The following MAF variants were observed in gnomAD, a reference collection of about 807,000 sequenced individuals.
The protein encoded by MAF is transcription factor Maf.
In MAF, 10 loss-of-function variants were observed where a neutral mutation model predicts 22.0. That is an observed-to-expected ratio of 0.45 (90% CI 0.28 to 0.77). MAF has a LOEUF of 0.77. MAF is among the 30% of genes least tolerant of loss of function. The pLI is 0.12. For missense variants in MAF, 544 were observed against 548.4 expected (o/e 0.99, Z 0.08); for synonymous variants, 337 against 255.8 (o/e 1.32, Z -3.03).
At chr16:79,211,849 C>G in the MAF span, 5 of 1,609,510 alleles carry the variant, frequency 3.1e-6, no homozygotes, top group African/African-American at 2.7e-5. Flanking sequence ...TGTCCCCTCA[C>G]GCAAGTGCCA....
the MAF span, among the ~76,000 whole-genome samples, chr16:79,406,042 G>A: frequency 2.0e-5 from 3 of 152,172 alleles, no homozygotes; most frequent in Non-Finnish European, 2.9e-5. Context: ...GACTGGGGTT[G>A]GTGTATAAAT....
chr16:79,420,987 T>C, the MAF span, among the ~76,000 whole-genome samples: 1 of 150,940 alleles, frequency 6.6e-6, no homozygotes, highest in Non-Finnish European at 1.5e-5. Context: ...TGAGCTGAGA[T>C]CGCACCACTT....
the MAF span, among the ~76,000 whole-genome samples, chr16:79,309,514 G>T: frequency 6.6e-6 from 1 of 152,068 alleles, no homozygotes; most frequent in South Asian, 2.1e-4. Flanking sequence ...CCTAGATTTT[G>T]GTGCATTGCC....
the MAF span, among the ~76,000 whole-genome samples, chr16:79,541,415 G>A: frequency 6.6e-6 from 1 of 151,962 alleles, no homozygotes; most frequent in South Asian, 2.1e-4. Flanking sequence ...AGGGCTGAAG[G>A]AGCCTGCGTC....
chr16:79,593,578 G>A (rs181459713), downstream of MAF, among the ~76,000 whole-genome samples: 66 of 152,350 alleles, frequency 4.3e-4, 1 homozygote, highest in East Asian at 0.012. Flanking sequence ...AGGGGTCTGT[G>A]TTGAAAGACT....
At chr16:79,292,327 G>C in the MAF span, among the ~76,000 whole-genome samples, 2 of 152,182 alleles carry the variant, frequency 1.3e-5, no homozygotes, top group Non-Finnish European at 2.9e-5. Context: ...GCAGAGATTG[G>C]GGTGATGTAG....
At chr16:79,509,276 T>C in the MAF span, among the ~76,000 whole-genome samples, 4 of 152,300 alleles carry the variant, frequency 2.6e-5, no homozygotes, top group Non-Finnish European at 4.4e-5. Context: ...TGAACCATGC[T>C]GGTCTCTAAC....
At chr16:79,419,721 C>T in the MAF span, among the ~76,000 whole-genome samples, 1 of 152,150 alleles carries the variant, frequency 6.6e-6, no homozygotes, top group African/African-American at 2.4e-5. Flanking sequence ...AGAAGAAAAC[C>T]TAGACCGAGC....
the MAF span, among the ~76,000 whole-genome samples, chr16:79,328,530 T>G: frequency 1.3e-5 from 2 of 152,304 alleles, no homozygotes; most frequent in African/African-American, 4.8e-5. Context: ...GGCTGCCAGT[T>G]TCTTAATGCA....
At chr16:79,417,010 C>T in the MAF span, among the ~76,000 whole-genome samples, 13 of 152,286 alleles carry the variant, frequency 8.5e-5, no homozygotes, top group East Asian at 2.5e-3. Flanking sequence ...TCCAGGCAAA[C>T]ATGTTGTTTC....
the MAF span, among the ~76,000 whole-genome samples, chr16:79,530,323 T>A: frequency 1.3e-5 from 2 of 152,254 alleles, no homozygotes; most frequent in East Asian, 3.9e-4. Context: ...CCTACATCCA[T>A]AGTCATGCAT....
chr16:79,320,220 G>A, the MAF span, among the ~76,000 whole-genome samples: 2 of 152,164 alleles, frequency 1.3e-5, no homozygotes, highest in Admixed American at 1.3e-4. Context: ...AGTGATCTTT[G>A]TCTGATGTCT....
At chr16:79,456,778 G>A in the MAF span, among the ~76,000 whole-genome samples, 1 of 152,234 alleles carries the variant, frequency 6.6e-6, no homozygotes, top group South Asian at 2.1e-4. Flanking sequence ...CAGTGAAGTG[G>A]TCTATTCCTG....
chr16:79,571,317 C>T, the MAF span, among the ~76,000 whole-genome samples: 530 of 152,078 alleles, frequency 3.5e-3, 12 homozygotes, highest in Admixed American at 0.029. Flanking sequence ...ACATAGTGAT[C>T]CCAGATACAC....
intron 1 of MAF, chr16:79,597,601 A>G: frequency 9.8e-7 from 1 of 1,022,594 alleles, no homozygotes; most frequent in Non-Finnish European, 1.2e-6. Context: ...TGAGTAACTC[A>G]AAGCAGTTTT....
chr16:79,544,583 G>C, the MAF span, among the ~76,000 whole-genome samples: 1 of 151,982 alleles, frequency 6.6e-6, no homozygotes, highest in Non-Finnish European at 1.5e-5. Flanking sequence ...GACCATCGTG[G>C]ATAACATGGT....
the MAF span, among the ~76,000 whole-genome samples, chr16:79,318,310 A>G: frequency 6.6e-6 from 1 of 152,134 alleles, no homozygotes; most frequent in African/African-American, 2.4e-5. Flanking sequence ...AATGGTAAGG[A>G]GCAACTTGGA....
the MAF span, among the ~76,000 whole-genome samples, chr16:79,549,238 T>A: frequency 2.5e-5 from 3 of 121,804 alleles, no homozygotes; most frequent in Non-Finnish European, 5.8e-5. Context: ...GTGCCCAACA[T>A]AGTGCAGAGT....
chr16:79,550,841 A>G, the MAF span, among the ~76,000 whole-genome samples: 519 of 152,226 alleles, frequency 3.4e-3, 5 homozygotes, highest in African/African-American at 0.012. Context: ...GGGAAGAGGA[A>G]CCCAGAGGAC....
Sources: gnomAD v4.1 joint callset for allele counts (sites outside exome capture counted in the v4.1 genomes callset) on GRCh38, gnomAD v4.1.1 for gene constraint, MANE v1.5 for transcripts, NCBI Gene and HGNC (gene_info 2026-07-23, HGNC 2026-07-21) for gene names.